RIC1: variants seen among roughly 807,000 people sequenced by gnomAD.
RIC1 encodes the protein RIC1 partner of RAB6A GEF complex, also known as guanine nucleotide exchange factor subunit RIC1.
A neutral mutation model predicts 169.0 loss-of-function variants in RIC1; 88 were observed. That is an observed-to-expected ratio of 0.52 (90% CI 0.44 to 0.62). The LOEUF is 0.62. RIC1 is among the 20% of genes least tolerant of loss of function. The pLI, the probability that RIC1 is intolerant of heterozygous loss-of-function variation, is 0.00. For synonymous variants in RIC1, 790 were observed against 601.5 expected (o/e 1.31, Z -4.59); for missense variants, 1,877 against 1,725.5 (o/e 1.09, Z -1.56).
At chr9:5,752,325 T>G (rs1046102802) in intron 12 of RIC1, among the ~76,000 whole-genome samples, 2 of 152,186 alleles carry the variant, frequency 1.3e-5, no homozygotes, top group Non-Finnish European at 2.9e-5. Context: ...CACTCTTTCA[T>G]GTACATATAT....
intron 19 of RIC1, chr9:5,765,049 C>A (rs1406311958): frequency 1.8e-5 from 3 of 166,518 alleles, no homozygotes; most frequent in South Asian, 3.6e-4. Context: ...TGGAGTCAGG[C>A]AAACCTCCCT....
intron 8 of RIC1, among the ~76,000 whole-genome samples, chr9:5,740,664 T>G (rs72693738): frequency 0.02 from 2,958 of 151,062 alleles, 35 homozygotes; most frequent in Non-Finnish European, 0.025. Flanking sequence ...CCCGTCTCTA[T>G]TTTCACATTT....
Position 5,757,600 on chromosome 9 carries a change from A to T in RIC1, c.1992+149A>T, listed in dbSNP as rs954660111. Reference sequence around the variant, plus strand: ...TGCTGGGTTGCAGTGGCAAATTAAAAAGACATGGTTTCTGCTCAGGCATTA... The same window carrying T: ...TGCTGGGTTGCAGTGGCAAATTAAATAGACATGGTTTCTGCTCAGGCATTA... On this transcript the variant is annotated intron_variant, in intron 17 of 25. Transcript: ENST00000414202. 3 of 750,854 alleles carry T rather than the reference A, an allele frequency of 4.0e-6. No individual in the cohort carries two copies. The African/African-American group carries it at 5.3e-5, about 13-fold the overall frequency. 46.5% of individuals were successfully genotyped at this position (750,854 alleles called of 1,614,324 possible).
At chr9:5,672,279 G>C (rs140510868) in intron 2 of RIC1, among the ~76,000 whole-genome samples, 1 of 152,166 alleles carries the variant, frequency 6.6e-6, no homozygotes, top group Non-Finnish European at 1.5e-5. Context: ...TTAACTTTAC[G>C]ATGTAAGACC....
At chr9:5,695,759 C>T (rs567260128) in intron 3 of RIC1, among the ~76,000 whole-genome samples, 77 of 151,770 alleles carry the variant, frequency 5.1e-4, no homozygotes, top group Middle Eastern at 3.4e-3. Context: ...TTAGTAGAGA[C>T]GGGGTTTCAC....
rs925402234 is a variant in RIC1 at position 5,629,251 on chromosome 9, G to C, written c.-59G>C. On this transcript the variant is annotated 5_prime_UTR_variant, in exon 1 of 26. Coordinates refer to ENST00000414202, the MANE Select transcript of RIC1 (RefSeq NM_020829.4). Reference sequence around the variant, plus strand: ...TGGCGGTGTGGGAGGTGGGCGACCAGCCCGGGGCCGCTGAGTGTGACGGAC... The same window carrying C: ...TGGCGGTGTGGGAGGTGGGCGACCACCCCGGGGCCGCTGAGTGTGACGGAC... The C allele has an allele frequency of 1.4e-6, 2 of 1,391,726 alleles. No individual in the cohort carries two copies. Among genetic ancestry groups the C allele is most frequent in the African/African-American group, 3.0e-5 (2 of 66,592 alleles). The allele number at this position is 1,391,726 out of a possible 1,614,324, so 86.2% of individuals were successfully genotyped here. A position where few individuals can be genotyped will look rare whatever the true frequency, so the allele number is the denominator to read the frequency against.
intron 1 of RIC1, among the ~76,000 whole-genome samples, chr9:5,631,098 A>G (rs1212070716): frequency 6.6e-6 from 1 of 152,216 alleles, no homozygotes; most frequent in Non-Finnish European, 1.5e-5. Context: ...TTATTCCCCC[A>G]TAAGAGAAGC....
At chr9:5,652,338 A>G (rs60701273) in intron 1 of RIC1, among the ~76,000 whole-genome samples, 2,088 of 152,328 alleles carry the variant, frequency 0.014, 55 homozygotes, top group African/African-American at 0.047. Context: ...TTTCCAATCT[A>G]TAAACATGGG....
At chr9:5,680,651 A>T (rs1173388165) in intron 2 of RIC1, among the ~76,000 whole-genome samples, 2 of 151,962 alleles carry the variant, frequency 1.3e-5, no homozygotes, top group Admixed American at 6.6e-5. Context: ...TGTTTATGGT[A>T]TTCTCTGATG....
intron 2 of RIC1, among the ~76,000 whole-genome samples, chr9:5,669,625 C>T (rs983247645): frequency 2.0e-5 from 3 of 152,054 alleles, no homozygotes; most frequent in South Asian, 4.1e-4. Context: ...AAAAAATTAT[C>T]GAATAATACT....
chr9:5,664,398 C>T (rs532340402), intron 2 of RIC1, among the ~76,000 whole-genome samples: 146 of 151,478 alleles, frequency 9.6e-4, no homozygotes, highest in African/African-American at 3.3e-3. Flanking sequence ...GGCAACGGAG[C>T]GAGACTCTGT....
chr9:5,654,106 C>T (rs550776980), intron 1 of RIC1, among the ~76,000 whole-genome samples: 12 of 152,016 alleles, frequency 7.9e-5, no homozygotes, highest in African/African-American at 2.9e-4. Flanking sequence ...CTCGAGCAAT[C>T]TCCCACTTCA....
At chr9:5,736,880 A>G (rs1028532949) in intron 7 of RIC1, among the ~76,000 whole-genome samples, 16 of 152,096 alleles carry the variant, frequency 1.1e-4, no homozygotes, top group Non-Finnish European at 1.9e-4. Context: ...CTACTATTGC[A>G]GGTCTTTTAG....
rs144656114 is a variant in RIC1, at chr9:5,683,815, T to C, written c.253-6144T>C. On this transcript the variant is annotated intron_variant, in intron 2 of 25. Transcript: ENST00000414202. ...CCACCCAGTTCAACTTCCCGGCTGC[T>C]TTGTTTACCTACTCAAGCCTCGGGA... 7.8e-3 allele frequency among the ~76,000 whole-genome samples: 1,191 copies of C among 152,316 alleles called. 15 individuals carry two copies. Among genetic ancestry groups the C allele is most frequent in the African/African-American group, 0.027 (1,138 of 41,576 alleles).
At chr9:5,735,562 T>G (rs891229838) in intron 7 of RIC1, among the ~76,000 whole-genome samples, 1 of 152,222 alleles carries the variant, frequency 6.6e-6, no homozygotes, top group Non-Finnish European at 1.5e-5. Flanking sequence ...AGTTCTCTTC[T>G]AGCATGCCCA....
At chr9:5,670,485 C>G (rs1428188863) in intron 2 of RIC1, among the ~76,000 whole-genome samples, 3 of 152,158 alleles carry the variant, frequency 2.0e-5, no homozygotes, top group African/African-American at 4.8e-5. Flanking sequence ...CTTTTTCTAG[C>G]TGTTGGGAGA....
intron 10 of RIC1, among the ~76,000 whole-genome samples, chr9:5,745,071 C>T (rs1187209411): frequency 1.3e-5 from 2 of 152,276 alleles, no homozygotes; most frequent in African/African-American, 4.8e-5. Context: ...TAAGTTTTCA[C>T]CACACATTTC....
At chr9:5,777,530 A>G (rs1416039387), downstream of RIC1, among the ~76,000 whole-genome samples, 3 of 152,026 alleles carry the variant, frequency 2.0e-5, no homozygotes, top group Non-Finnish European at 2.9e-5. Flanking sequence ...GTCCTTTGAA[A>G]CACTGTTTTT....
intron 2 of RIC1, among the ~76,000 whole-genome samples, chr9:5,685,330 G>A (rs553226595): frequency 6.6e-6 from 1 of 151,522 alleles, no homozygotes; most frequent in East Asian, 1.9e-4. Context: ...TCAATCCTAA[G>A]CCAAAAGAAC....
Sources: allele counts gnomAD v4.1 joint callset (sites outside exome capture counted in the v4.1 genomes callset), GRCh38; gene constraint gnomAD v4.1.1; transcripts MANE v1.5; gene names NCBI Gene and HGNC (gene_info 2026-07-23, HGNC 2026-07-21).